The following SLCO5A1 variants were observed in gnomAD, a reference collection of about 807,000 sequenced individuals.
The protein encoded by SLCO5A1 is solute carrier organic anion transporter family member 5A1.
SLCO5A1 carries 39 observed loss-of-function variants against 65.1 expected under a neutral mutation model. The observed-to-expected ratio is 0.60, with a 90% confidence interval of 0.46 to 0.78. The LOEUF is 0.78. SLCO5A1 is among the 30% of genes least tolerant of loss of function. The probability of loss-of-function intolerance (pLI) is 0.00; values close to 1 mark genes in which losing one functional copy is unlikely to be tolerated. For missense variants in SLCO5A1, 1,029 were observed against 1,069.4 expected (o/e 0.96, Z 0.53); for synonymous variants, 438 against 415.7 (o/e 1.05, Z -0.65).
chr8:69,746,618 T>A (rs1328461010), intron 4 of SLCO5A1, among the ~76,000 whole-genome samples: 1 of 152,056 alleles, frequency 6.6e-6, no homozygotes, highest in Non-Finnish European at 1.5e-5. Flanking sequence ...CTTGAGGGCA[T>A]AGGAAAGGCC....
At chr8:69,809,316 A>T (rs1182976466) in intron 2 of SLCO5A1, among the ~76,000 whole-genome samples, 1 of 152,208 alleles carries the variant, frequency 6.6e-6, no homozygotes, top group Non-Finnish European at 1.5e-5. Context: ...ATCAACATGT[A>T]TTTTTAGCCT....
At chr8:69,692,079 T>C (rs1814286087) in intron 6 of SLCO5A1, among the ~76,000 whole-genome samples, 1 of 152,132 alleles carries the variant, frequency 6.6e-6, no homozygotes, top group Admixed American at 6.5e-5. Flanking sequence ...AAACCCTGTC[T>C]CTGCTAAAAA....
chr8:69,774,548 C>T (rs1042768935), intron 2 of SLCO5A1, among the ~76,000 whole-genome samples: 5 of 152,326 alleles, frequency 3.3e-5, no homozygotes, highest in Admixed American at 6.5e-5. Flanking sequence ...CCATGGCTCC[C>T]CCATATTCCC....
chr8:69,729,529 T>C (rs1008146301), intron 5 of SLCO5A1, among the ~76,000 whole-genome samples: 8 of 150,600 alleles, frequency 5.3e-5, no homozygotes, highest in African/African-American at 1.7e-4. Context: ...AATAATACTT[T>C]TAACAAATTA....
At chr8:69,772,963 A>T (rs1363215338) in intron 2 of SLCO5A1, 1 of 985,182 alleles carries the variant, frequency 1.0e-6, no homozygotes, top group East Asian at 1.1e-4. Context: ...AGCACCAATT[A>T]TATGCTGTGG....
chr8:69,831,910 G>T lies in SLCO5A1; in HGVS notation c.764C>A (p.Ser255Ter). Residue 255 changes from serine (S) to a stop codon, truncating the protein, a stop_gained, in exon 2 of 10, where the codon TCG (serine) becomes TAG (stop). Transcript: ENST00000260126. LOFTEE classifies it high-confidence loss of function. ...GTAGACCCAGTGATTATTTCCTCCC[G>T]AGTCCTTCGGACAGGCCGGAGGCTC... ...TLEPPACPKD[S>*]GGNNHWVYVA... 6.2e-7 allele frequency: 1 copy of T among 1,608,088 alleles called. No homozygotes were observed. The highest frequency in any genetic ancestry group is 8.5e-7 in the Non-Finnish European group (1 of 1,178,036).
At chr8:69,791,909 A>C (rs547403587) in intron 2 of SLCO5A1, among the ~76,000 whole-genome samples, 3 of 152,372 alleles carry the variant, frequency 2.0e-5, no homozygotes, top group African/African-American at 7.2e-5. Flanking sequence ...ACAACATTAT[A>C]AATAGTAAAG....
chr8:69,776,137 A>C (rs912426502), intron 2 of SLCO5A1, among the ~76,000 whole-genome samples: 2 of 152,240 alleles, frequency 1.3e-5, no homozygotes, highest in Non-Finnish European at 2.9e-5. Context: ...TTCTTGTCCA[A>C]TGCTGGTACA....
chr8:69,798,860 C>G (rs1056698824), intron 2 of SLCO5A1, among the ~76,000 whole-genome samples: 2 of 152,184 alleles, frequency 1.3e-5, no homozygotes, highest in Non-Finnish European at 2.9e-5. Context: ...TATACATTGG[C>G]CATGGATAAA....
At chr8:69,765,974 G>A (rs552233975) in intron 2 of SLCO5A1, among the ~76,000 whole-genome samples, 10 of 152,238 alleles carry the variant, frequency 6.6e-5, no homozygotes, top group African/African-American at 2.4e-4. Flanking sequence ...TGCATCTCTA[G>A]AAGTAAAAGG....
chr8:69,679,268 G>A (rs1340991499), intron 8 of SLCO5A1, 110 bp downstream of exon 8: 2 of 1,467,582 alleles, frequency 1.4e-6, no homozygotes, highest in African/African-American at 1.4e-5. Context: ...TCCTGCACAT[G>A]CTAATTTTGC....
At chr8:69,726,140 A>T (rs1203656772) in intron 5 of SLCO5A1, among the ~76,000 whole-genome samples, 1 of 152,240 alleles carries the variant, frequency 6.6e-6, no homozygotes, top group African/African-American at 2.4e-5. Context: ...TGTGCTATTA[A>T]TCATCAAAGG....
At chr8:69,767,889 C>CAAAAAAAAAAAAAAAAAAAAAAAAAA (rs746004982) in intron 2 of SLCO5A1, among the ~76,000 whole-genome samples, 2 of 35,038 alleles carry the variant, frequency 5.7e-5, no homozygotes, top group African/African-American at 1.3e-4. Context: ...GACTCCATCT[C>CAAAAAAAAAAAAAAAAAAAAAAAAAA]AAAAAAAAAA....
At chr8:69,814,589 T>C (rs948585665) in intron 2 of SLCO5A1, among the ~76,000 whole-genome samples, 4 of 152,172 alleles carry the variant, frequency 2.6e-5, no homozygotes, top group African/African-American at 9.6e-5. Flanking sequence ...TATGGAAAGC[T>C]GTATGGAGGG....
chr8:69,791,475 G>C (rs1667354637), intron 2 of SLCO5A1, among the ~76,000 whole-genome samples: 1 of 152,186 alleles, frequency 6.6e-6, no homozygotes, highest in African/African-American at 2.4e-5. Context: ...TAAAAATTGT[G>C]CTTTGTTTGT....
chr8:69,741,091 C>T (rs1407883544), intron 4 of SLCO5A1, among the ~76,000 whole-genome samples: 1 of 152,180 alleles, frequency 6.6e-6, no homozygotes, highest in Non-Finnish European at 1.5e-5. Flanking sequence ...ATATTGTAAA[C>T]TCGTGTCCTT....
chr8:69,762,186 CT>C lies in SLCO5A1; in HGVS notation c.908-312del, dbSNP rs1491348673. ...TCTTTCTTTCTTTCTTTCTTTCTTTCTTTCTTTCTTTCTTTTTTGAGACAGA... is the reference window on the plus strand; with the variant it reads ...TCTTTCTTTCTTTCTTTCTTTCTTTCTTCTTTCTTTCTTTTTTGAGACAGA... On this transcript the variant is annotated intron_variant, in intron 2 of 9. Transcript: ENST00000260126. Among the ~76,000 whole-genome samples, 97 of 59,956 alleles carry C rather than the reference CT, an allele frequency of 1.6e-3. 1 individual carries two copies. The highest frequency in any genetic ancestry group is 5.8e-3 in the African/African-American group (85 of 14,538). The allele number at this position is 59,956 out of a possible 152,430, so 39.3% of individuals were successfully genotyped here. A position where few individuals can be genotyped will look rare whatever the true frequency, so the allele number is the denominator to read the frequency against.
chr8:69,699,679 G>C (rs1814641546), intron 6 of SLCO5A1, among the ~76,000 whole-genome samples: 1 of 152,166 alleles, frequency 6.6e-6, no homozygotes, highest in Non-Finnish European at 1.5e-5. Flanking sequence ...TAAACAGAAA[G>C]TTAGGCACTT....
intron 2 of SLCO5A1, among the ~76,000 whole-genome samples, chr8:69,828,415 A>C (rs1218924445): frequency 6.6e-6 from 1 of 152,122 alleles, no homozygotes; most frequent in East Asian, 1.9e-4. Flanking sequence ...ATCCTGGCTA[A>C]CATGGTGAAA....
Sources: gnomAD v4.1 joint callset for allele counts (sites outside exome capture counted in the v4.1 genomes callset) on GRCh38, gnomAD v4.1.1 for gene constraint, MANE v1.5 for transcripts, NCBI Gene and HGNC (gene_info 2026-07-23, HGNC 2026-07-21) for gene names.